The following NIBAN1 variants were observed in gnomAD, a reference collection of about 807,000 sequenced individuals.
NIBAN1 encodes niban apoptosis regulator 1.
Under a neutral mutation model 75.1 loss-of-function variants are expected in NIBAN1, and 81 were observed. That is an observed-to-expected ratio of 1.08 (90% CI 0.90 to 1.30). The LOEUF (loss-of-function observed/expected upper bound fraction) is 1.30, where lower values mean the gene tolerates loss of function less well. Among genes scored for constraint, NIBAN1 ranks in the 50% most tolerant of loss-of-function variants. The pLI is 0.00. For missense variants in NIBAN1, 1,133 were observed against 1,128.1 expected, an observed-to-expected ratio of 1.00 and a Z score of -0.06; for synonymous variants, 436 against 424.8, an observed-to-expected ratio of 1.03 and a Z score of -0.32.
At chr1:184,899,844 G>T (rs1175854056) in intron 1 of NIBAN1, among the ~76,000 whole-genome samples, 4 of 120,334 alleles carry the variant, frequency 3.3e-5, no homozygotes, top group Admixed American at 1.0e-4. Flanking sequence ...GAGACAGAGT[G>T]TCCATCTTGC....
intron 5 of NIBAN1, among the ~76,000 whole-genome samples, chr1:184,859,651 T>C (rs191587420): frequency 1.3e-5 from 2 of 152,308 alleles, no homozygotes; most frequent in East Asian, 3.9e-4. Flanking sequence ...ATTTTTTTTT[T>C]CTTGACCAGG....
At chr1:184,874,842 C>T (rs1324571197) in intron 5 of NIBAN1, among the ~76,000 whole-genome samples, 3 of 151,552 alleles carry the variant, frequency 2.0e-5, no homozygotes, top group African/African-American at 7.3e-5. Context: ...ACTATTAACA[C>T]ACCTAAGCTA....
chr1:184,838,199 G>T (rs1361955851), intron 5 of NIBAN1, among the ~76,000 whole-genome samples: 1 of 151,964 alleles, frequency 6.6e-6, no homozygotes, highest in Non-Finnish European at 1.5e-5. Flanking sequence ...TTCTGCTTTT[G>T]ACTTCGAAGG....
At chr1:184,840,956 A>AGTGTGT (rs57091998) in intron 5 of NIBAN1, among the ~76,000 whole-genome samples, 376 of 148,080 alleles carry the variant, frequency 2.5e-3, no homozygotes, top group African/African-American at 8.1e-3. Context: ...AAAGAGTGTG[A>AGTGTGT]GTGTGTGTGT....
intron 5 of NIBAN1, among the ~76,000 whole-genome samples, chr1:184,861,700 A>AGAAG (rs563188867): frequency 7.0e-6 from 1 of 142,210 alleles, no homozygotes; most frequent in African/African-American, 2.6e-5. Flanking sequence ...AGGGAAGGAA[A>AGAAG]GAAGGAAGGA....
At chr1:184,819,003 C>T (rs1654617517) in intron 8 of NIBAN1, among the ~76,000 whole-genome samples, 178 bp from the exon 9 acceptor site, 1 of 152,138 alleles carries the variant, frequency 6.6e-6, no homozygotes, top group African/African-American at 2.4e-5. Context: ...GAAAGGAAAA[C>T]CACTGGACCC....
chr1:184,931,826 C>T (rs974839766), intron 1 of NIBAN1, among the ~76,000 whole-genome samples: 2 of 152,188 alleles, frequency 1.3e-5, no homozygotes, highest in Admixed American at 1.3e-4. Flanking sequence ...TGTAGCGCAG[C>T]ACAATCATTA....
At chr1:184,859,243 A>G (rs234668) in intron 5 of NIBAN1, among the ~76,000 whole-genome samples, 88,811 of 151,912 alleles carry the variant, frequency 0.58, 27,001 homozygotes, top group African/African-American at 0.76. Flanking sequence ...TAAAACAAAG[A>G]GAAGAATATT....
intron 5 of NIBAN1, among the ~76,000 whole-genome samples, chr1:184,878,974 C>T (rs141726659): frequency 8.5e-4 from 129 of 152,252 alleles, no homozygotes; most frequent in African/African-American, 2.9e-3. Context: ...TAAGTAAAAA[C>T]CACATACTCA....
rs1269426748 is a variant in NIBAN1 at position 184,792,161 on chromosome 1, G to C, written c.*2816C>G. 6.6e-6 allele frequency: 1 copy of C among 152,140 alleles called. No individual in the cohort carries two copies. The highest frequency in any genetic ancestry group is 1.5e-5 in the Non-Finnish European group (1 of 68,076). The allele number at this position is 152,140 out of a possible 1,614,324, so 9.4% of individuals were successfully genotyped here. ...TTGCTATGTTTCCCAGGCTTGTCTA[G>C]AACTCCTGGGCTCAAGTGACCCTCT... is the stretch of plus-strand genomic sequence containing the variant. On this transcript the variant is annotated 3_prime_UTR_variant, in exon 14 of 14. Transcript: ENST00000367511.
At chr1:184,972,074 T>C (rs1231655372) in intron 1 of NIBAN1, among the ~76,000 whole-genome samples, 10 of 152,238 alleles carry the variant, frequency 6.6e-5, no homozygotes, top group Non-Finnish European at 1.3e-4. Flanking sequence ...CGGTTTATGA[T>C]GCATACAAAA....
At chr1:184,808,052 C>T (rs759387471) in intron 10 of NIBAN1, 22 bp downstream of exon 10, 29 of 1,612,832 alleles carry the variant, frequency 1.8e-5, no homozygotes, top group South Asian at 2.2e-5. Flanking sequence ...TCATCCACCA[C>T]GGATGCCCCT....
Position 184,949,713 on chromosome 1 carries a change from A to G in NIBAN1, c.55+24589T>C, listed in dbSNP as rs1391949204. ...ACTTCCCTTTGAAAGCAGAGGAGTC[A>G]TTAGTCCTGTGAAAAAGTTTTCCTT... On this transcript the variant is annotated intron_variant, in intron 1 of 13. Coordinates refer to ENST00000367511, the MANE Select transcript of NIBAN1 (RefSeq NM_052966.4). 2.0e-5 allele frequency among the ~76,000 whole-genome samples: 3 copies of G among 152,334 alleles called. No individual in the cohort carries two copies. In the East Asian group the frequency reaches 5.8e-4, roughly 29 times the overall value.
chr1:184,834,840 C>T (rs945681965), intron 5 of NIBAN1, among the ~76,000 whole-genome samples: 14 of 152,160 alleles, frequency 9.2e-5, no homozygotes, highest in African/African-American at 3.4e-4. Context: ...TTTTCCTGTG[C>T]AGAAGCTCTT....
intron 5 of NIBAN1, among the ~76,000 whole-genome samples, chr1:184,871,913 A>T (rs1656118345): frequency 6.6e-6 from 1 of 152,204 alleles, no homozygotes; most frequent in Non-Finnish European, 1.5e-5. Flanking sequence ...GCCTAAATGC[A>T]CATTAGCTAC....
intron 6 of NIBAN1, among the ~76,000 whole-genome samples, chr1:184,825,828 T>C (rs1457579723): frequency 6.6e-6 from 1 of 152,240 alleles, no homozygotes; most frequent in East Asian, 1.9e-4. Flanking sequence ...AGCACAGTTT[T>C]AGGAAGGGAA....
intron 1 of NIBAN1, among the ~76,000 whole-genome samples, chr1:184,906,063 C>T (rs1238466167): frequency 1.3e-5 from 2 of 151,018 alleles, no homozygotes; most frequent in African/African-American, 4.9e-5. Flanking sequence ...CATAGAGAGA[C>T]CTTGACTCTA....
chr1:184,892,796 G>C (rs1656703795), intron 3 of NIBAN1, among the ~76,000 whole-genome samples: 1 of 151,898 alleles, frequency 6.6e-6, no homozygotes. Flanking sequence ...TTTTGAGATA[G>C]AGTCTCACTC....
At chr1:184,865,247 G>C (rs1257238820) in intron 5 of NIBAN1, among the ~76,000 whole-genome samples, 3 of 151,998 alleles carry the variant, frequency 2.0e-5, no homozygotes, top group Non-Finnish European at 4.4e-5. Context: ...AGAAAATGTG[G>C]TATATATACA....
Sources: allele counts gnomAD v4.1 joint callset (sites outside exome capture counted in the v4.1 genomes callset), GRCh38; gene constraint gnomAD v4.1.1; transcripts MANE v1.5; gene names NCBI Gene and HGNC (gene_info 2026-07-23, HGNC 2026-07-21).